Variants in GGACT observed in about 807,000 individuals in gnomAD.
The protein encoded by GGACT is gamma-glutamylamine cyclotransferase, also known as gamma-glutamylaminecyclotransferase.
For missense variants in GGACT, 241 were observed against 233.2 expected, an observed-to-expected ratio of 1.03 and a Z score of -0.22; for synonymous variants, 118 against 115.3, an observed-to-expected ratio of 1.02 and a Z score of -0.15.
chr13:100,586,761 A>G (rs1461290943), intron 1 of GGACT: 6 of 152,266 alleles, frequency 3.9e-5, no homozygotes, highest in African/African-American at 1.2e-4. Flanking sequence ...CTGTTACCTC[A>G]TGATGCCATA....
rs1200515200 is a variant in GGACT, at chr13:100,561,374, A to G, written c.-11+22451T>C. On this transcript the variant is annotated intron_variant, in intron 2 of 2. Coordinates refer to ENST00000683975, the MANE Select transcript of GGACT (RefSeq NM_001195087.2). The stretch of plus-strand genomic sequence containing the variant: ...AAGCATTAAAATAATGCAATTCTGT[A>G]TAGATCCATAGCAAACAAAAATAAC... 3.3e-5 allele frequency among the ~76,000 whole-genome samples: 5 copies of G among 152,222 alleles called. No individual in the cohort carries two copies. The East Asian group carries it at 7.7e-4, about 23-fold the overall frequency.
chr13:100,573,787 T>A (rs7984745), intron 2 of GGACT, among the ~76,000 whole-genome samples: 1 of 149,410 alleles, frequency 6.7e-6, no homozygotes, highest in African/African-American at 2.5e-5. Flanking sequence ...CCAACAAACA[T>A]ACCCAAAAAA....
At chr13:100,584,709 T>C (rs1308639250) in intron 1 of GGACT, among the ~76,000 whole-genome samples, 1 of 152,218 alleles carries the variant, frequency 6.6e-6, no homozygotes, top group African/African-American at 2.4e-5. Flanking sequence ...ACATTGTATC[T>C]CATATACCTT....
At chr13:100,588,222 T>A (rs1875640093) in intron 1 of GGACT, among the ~76,000 whole-genome samples, 1 of 152,158 alleles carries the variant, frequency 6.6e-6, no homozygotes, top group South Asian at 2.1e-4. Context: ...TCTTCAAAAT[T>A]TCAGAAGTTT....
intron 2 of GGACT, among the ~76,000 whole-genome samples, chr13:100,555,570 C>T (rs1293770808): frequency 6.6e-6 from 1 of 151,852 alleles, no homozygotes; most frequent in Non-Finnish European, 1.5e-5. Flanking sequence ...TATGGTGGCT[C>T]ACACCTGTAA....
At chr13:100,561,351 G>T (rs1347307801) in intron 2 of GGACT, among the ~76,000 whole-genome samples, 1 of 152,194 alleles carries the variant, frequency 6.6e-6, no homozygotes, top group African/African-American at 2.4e-5. Context: ...TCTCAATAAA[G>T]CATTAAAATA....
At chr13:100,572,692 G>A (rs766266776) in intron 2 of GGACT, among the ~76,000 whole-genome samples, 2 of 152,086 alleles carry the variant, frequency 1.3e-5, no homozygotes, top group African/African-American at 2.4e-5. Flanking sequence ...TCAGCCTCCA[G>A]AGTAGCTGGG....
chr13:100,578,766 C>T (rs1301764603), intron 2 of GGACT: 1 of 152,178 alleles, frequency 6.6e-6, no homozygotes, highest in East Asian at 1.9e-4. Context: ...TAATTCAAAG[C>T]AGGCAGTTAT....
At chr13:100,562,814 A>T (rs897918095) in intron 2 of GGACT, among the ~76,000 whole-genome samples, 1 of 151,904 alleles carries the variant, frequency 6.6e-6, no homozygotes, top group Non-Finnish European at 1.5e-5. Flanking sequence ...AAAAAGAAAA[A>T]AAAGAAAAGA....
intron 2 of GGACT, among the ~76,000 whole-genome samples, chr13:100,550,648 C>T (rs1201546388): frequency 2.0e-5 from 3 of 152,308 alleles, no homozygotes; most frequent in African/African-American, 7.2e-5. Context: ...CACTTAAAGG[C>T]CCACGCACAG....
rs1875304693 is a variant in GGACT, at chr13:100,578,042, G to A, written c.-11+5783C>T. 2.6e-5 allele frequency among the ~76,000 whole-genome samples: 4 copies of A among 152,148 alleles called. No homozygotes were observed. In the South Asian group the frequency reaches 8.3e-4, roughly 32 times the overall value. ...TATCAGAAGGGAAAGATAGAAAAGG[G>A]AAATGGATGTTTTCTAAGAGAGCCC... On this transcript the variant is annotated intron_variant, in intron 2 of 2. Coordinates refer to ENST00000683975, the MANE Select transcript of GGACT (RefSeq NM_001195087.2).
chr13:100,544,217 T>C (rs1033602677), intron 2 of GGACT, among the ~76,000 whole-genome samples: 7 of 152,324 alleles, frequency 4.6e-5, no homozygotes, highest in African/African-American at 1.4e-4. Context: ...GTGTCTGATA[T>C]AGTTACACAT....
intron 2 of GGACT, among the ~76,000 whole-genome samples, chr13:100,550,672 C>T (rs1371019705): frequency 6.6e-6 from 1 of 152,214 alleles, no homozygotes; most frequent in African/African-American, 2.4e-5. Context: ...ACTCCCGAGA[C>T]AGTGGAATGC....
chr13:100,561,094 C>G (rs1441973643), intron 2 of GGACT, among the ~76,000 whole-genome samples: 1 of 152,200 alleles, frequency 6.6e-6, no homozygotes, highest in Admixed American at 6.5e-5. Flanking sequence ...TGGCTACGCC[C>G]TCCTAAGTCT....
intron 2 of GGACT, among the ~76,000 whole-genome samples, chr13:100,551,403 C>T (rs563414609): frequency 2.0e-5 from 3 of 152,324 alleles, no homozygotes; most frequent in South Asian, 4.1e-4. Flanking sequence ...GAGGGACCAG[C>T]GCCCGTGGCA....
chr13:100,556,317 T>G (rs2088707973), intron 2 of GGACT, among the ~76,000 whole-genome samples: 1 of 152,224 alleles, frequency 6.6e-6, no homozygotes, highest in African/African-American at 2.4e-5. Context: ...ATTGTATTTG[T>G]ATATTCTAAC....
intron 2 of GGACT, among the ~76,000 whole-genome samples, chr13:100,572,707 C>T (rs751284372): frequency 5.3e-5 from 8 of 152,188 alleles, no homozygotes; most frequent in Non-Finnish European, 1.2e-4. Context: ...GCTGGGACTA[C>T]AGGCGTGCAC....
chr13:100,549,231 C>T (rs2088635905), intron 2 of GGACT, among the ~76,000 whole-genome samples: 1 of 152,170 alleles, frequency 6.6e-6, no homozygotes, highest in African/African-American at 2.4e-5. Flanking sequence ...CTAGCTACAC[C>T]AGGAGGCTGA....
rs559995629 is a variant in GGACT, at chr13:100,530,834, C to G, written c.*1296G>C. ...TTGAGGATGAGCGCGCTGCCTGGTCCCTTCCCCATTGCACAAGCCAGGGCA... is the reference window on the plus strand; with the variant it reads ...TTGAGGATGAGCGCGCTGCCTGGTCGCTTCCCCATTGCACAAGCCAGGGCA... On this transcript the variant is annotated 3_prime_UTR_variant, in exon 3 of 3. Coordinates refer to ENST00000683975, the MANE Select transcript of GGACT (RefSeq NM_001195087.2). 1 of 160,396 alleles carries G rather than the reference C, an allele frequency of 6.2e-6. No homozygotes were observed. Among genetic ancestry groups the G allele is most frequent in the African/African-American group, 2.4e-5 (1 of 41,486 alleles). 9.9% of individuals were successfully genotyped at this position (160,396 alleles called of 1,614,324 possible).
Sources: gnomAD v4.1 joint callset for allele counts (sites outside exome capture counted in the v4.1 genomes callset) on GRCh38, gnomAD v4.1.1 for gene constraint, MANE v1.5 for transcripts, NCBI Gene and HGNC (gene_info 2026-07-23, HGNC 2026-07-21) for gene names.